Variants in PLEKHA3 observed in about 807,000 individuals in gnomAD.
PLEKHA3 encodes pleckstrin homology domain containing A3.
A neutral mutation model predicts 39.2 loss-of-function variants in PLEKHA3; 19 were observed. That is an observed-to-expected ratio of 0.48 (90% confidence interval 0.34 to 0.71). PLEKHA3 has a LOEUF of 0.71. PLEKHA3 is among the 30% of genes least tolerant of loss of function. The pLI is 0.01. For synonymous variants in PLEKHA3, 97 were observed against 118.6 expected, an observed-to-expected ratio of 0.82 and a Z score of 1.18; for missense variants, 253 against 359.5, an observed-to-expected ratio of 0.70 and a Z score of 2.40.
intron 2 of PLEKHA3, among the ~76,000 whole-genome samples, chr2:178,489,556 C>T (rs79515608): frequency 3.3e-4 from 49 of 147,818 alleles, no homozygotes; most frequent in African/African-American, 1.2e-3. Flanking sequence ...TGGGCTCCAG[C>T]GATCCTCTTG....
chr2:178,480,944 A>G, intron 1 of PLEKHA3, 35 bp downstream of exon 1: 3 of 1,154,236 alleles, frequency 2.6e-6, no homozygotes, highest in Non-Finnish European at 1.1e-6. Context: ...AAGAGGGGAG[A>G]GGCGGGGGGC....
chr2:178,494,011 C>G (rs1256192483), intron 4 of PLEKHA3, 22 bp downstream of exon 4: 29 of 1,610,000 alleles, frequency 1.8e-5, no homozygotes, highest in Non-Finnish European at 2.5e-5. Flanking sequence ...AGGATCTCTT[C>G]ACGTGTGGTT....
chr2:178,492,753 A>C (rs1685372363), intron 3 of PLEKHA3, among the ~76,000 whole-genome samples: 1 of 151,620 alleles, frequency 6.6e-6, no homozygotes, highest in South Asian at 2.1e-4. Flanking sequence ...GCCCAGGGGG[A>C]GGTGGAAACA....
At position 178,503,877 on chromosome 2, in the gene PLEKHA3, T is replaced by C; in HGVS notation, c.893T>C (p.Phe298Ser). Residue 298 changes from phenylalanine (F) to serine (S), a missense_variant, in exon 8 of 8, where the codon TTC (phenylalanine) becomes TCC (serine). Transcript: ENST00000234453. ...QSESEDTLPS[F>S]SS is the part of the protein sequence containing the mutation. ...GAATCAGAAGATACTCTTCCATCCTTCTCTTCCTGAAGAAACTGAAGTGTC... is the reference window on the plus strand; with the variant it reads ...GAATCAGAAGATACTCTTCCATCCTCCTCTTCCTGAAGAAACTGAAGTGTC... 1 of 1,611,406 alleles carries C rather than the reference T, an allele frequency of 6.2e-7. No individual in the cohort carries two copies. The highest frequency in any genetic ancestry group is 1.1e-5 in the South Asian group (1 of 91,000).
At chr2:178,496,342 A>G (rs1373006899) in intron 5 of PLEKHA3, among the ~76,000 whole-genome samples, 2 of 152,206 alleles carry the variant, frequency 1.3e-5, no homozygotes, top group African/African-American at 2.4e-5. Flanking sequence ...TGTAGGTGAG[A>G]TAAGCTTTAA....
intron 4 of PLEKHA3, 98 bp downstream of exon 4, chr2:178,494,087 GTTATTT>G: frequency 7.2e-7 from 1 of 1,385,066 alleles, no homozygotes; most frequent in South Asian, 1.5e-5. Context: ...TTCACATTGA[GTTATTT>G]TCAGCTTTTC....
In PLEKHA3 at chr2:178,512,302, TTAATG is replaced by T. The variant is rs1158460600; in HGVS notation, c.*8419_*8423del. ...AGTTACTGTAGATAAACCAAATAAA[TTAATG>T]TAAAGGGATATTAATGCATTAAGCA... is the stretch of plus-strand genomic sequence containing the variant. On this transcript the variant is annotated 3_prime_UTR_variant, in exon 8 of 8. Transcript: ENST00000234453. The T allele has an allele frequency of 6.6e-6, 1 of 152,168 alleles. No homozygotes were observed. The highest frequency in any genetic ancestry group is 2.4e-5 in the African/African-American group (1 of 41,426). The allele number at this position is 152,168 out of a possible 1,614,324, so 9.4% of individuals were successfully genotyped here.
rs1685640755 is a variant in PLEKHA3 at position 178,508,785 on chromosome 2, C to G, written c.*4898C>G. 6.5e-6 allele frequency: 1 copy of G among 153,736 alleles called. No homozygotes were observed. The highest frequency in any genetic ancestry group is 2.4e-5 in the African/African-American group (1 of 41,408). The allele number at this position is 153,736 out of a possible 1,614,324, so 9.5% of individuals were successfully genotyped here. On this transcript the variant is annotated 3_prime_UTR_variant, in exon 8 of 8. Coordinates refer to ENST00000234453, the MANE Select transcript of PLEKHA3 (RefSeq NM_019091.4). Reference sequence around the variant, plus strand: ...CTCTCTCATGCCCATCCGGCCCCACCCCCCAAATCCTCCTCTGGCTGCTGA... The same window carrying G: ...CTCTCTCATGCCCATCCGGCCCCACGCCCCAAATCCTCCTCTGGCTGCTGA...
intron 4 of PLEKHA3, among the ~76,000 whole-genome samples, chr2:178,494,245 G>A (rs1685404106): frequency 6.6e-6 from 1 of 152,196 alleles, no homozygotes; most frequent in Non-Finnish European, 1.5e-5. Flanking sequence ...TTTGGAGGTT[G>A]GAGTGGGGAA....
chr2:178,500,051 C>A (rs139540416), intron 6 of PLEKHA3, among the ~76,000 whole-genome samples: 1 of 152,064 alleles, frequency 6.6e-6, no homozygotes, highest in East Asian at 1.9e-4. Flanking sequence ...CATATCAATA[C>A]GTTTAAAAAT....
Position 178,514,350 on chromosome 2 carries a change from T to C in PLEKHA3, c.*10463T>C, listed in dbSNP as rs1375165921. 1 of 152,108 alleles carries C rather than the reference T, an allele frequency of 6.6e-6. No individual in the cohort carries two copies. The highest frequency in any genetic ancestry group is 1.5e-5 in the Non-Finnish European group (1 of 68,016). The allele number at this position is 152,108 out of a possible 1,614,324, so 9.4% of individuals were successfully genotyped here. On this transcript the variant is annotated 3_prime_UTR_variant, in exon 8 of 8. Coordinates refer to ENST00000234453, the MANE Select transcript of PLEKHA3 (RefSeq NM_019091.4). ...AGGGTGTGGGGAATGGTGGCAGGGGTAACTATCATCGAGAATATAGGGCAA... is the reference window on the plus strand; with the variant it reads ...AGGGTGTGGGGAATGGTGGCAGGGGCAACTATCATCGAGAATATAGGGCAA...
At chr2:178,498,034 C>T (rs1318131211) in intron 5 of PLEKHA3, among the ~76,000 whole-genome samples, 1 of 151,876 alleles carries the variant, frequency 6.6e-6, no homozygotes, top group African/African-American at 2.4e-5. Context: ...TATTCCAAAA[C>T]AATTTAATCT....
Position 178,508,856 on chromosome 2 carries a change from G to T in PLEKHA3, c.*4969G>T, listed in dbSNP as rs1026048578. 6.5e-6 allele frequency: 1 copy of T among 153,806 alleles called. No individual in the cohort carries two copies. Among genetic ancestry groups the T allele is most frequent in the Admixed American group, 6.5e-5 (1 of 15,286 alleles). 9.5% of individuals were successfully genotyped at this position (153,806 alleles called of 1,614,324 possible). The stretch of plus-strand genomic sequence containing the variant: ...TGTCAGTGGAGGTTGAGGGTGGGGC[G>T]TAGGCTGGCTGTGGAGAGTAGGGGA... On this transcript the variant is annotated 3_prime_UTR_variant, in exon 8 of 8. Coordinates refer to ENST00000234453, the MANE Select transcript of PLEKHA3 (RefSeq NM_019091.4).
intron 5 of PLEKHA3, among the ~76,000 whole-genome samples, chr2:178,497,282 G>A (rs1007528618): frequency 6.6e-6 from 1 of 151,934 alleles, no homozygotes; most frequent in Non-Finnish European, 1.5e-5. Context: ...CCAGGCTGGA[G>A]TGCAGTGGCG....
Position 178,495,607 on chromosome 2 carries a change from C to G in PLEKHA3, c.562C>G (p.Leu188Val). 6.2e-7 allele frequency: 1 copy of G among 1,614,154 alleles called. No individual in the cohort carries two copies. Among genetic ancestry groups the G allele is most frequent in the Non-Finnish European group, 8.5e-7 (1 of 1,179,998 alleles). ...NAKFKPEMFQ[L>V]HHPDPLVSPV... ...CAAGTTTAAACCTGAGATGTTTCAA[C>G]TGCACCATCCGGATCCCTTAGTTTC... The change falls in exon 5 of 8, where the codon CTG becomes GTG. Residue 188 changes from leucine to valine, a missense_variant. Physicochemically the swap from Leu to Val is conservative, Grantham distance 32 (BLOSUM62 1). Around this residue, in one of 2 missense-constraint regions of PLEKHA3, gnomAD observed 127 missense variants for 136.8 expected, o/e 0.93. Transcript: ENST00000234453.
At chr2:178,488,366 C>A (rs1685286850) in intron 2 of PLEKHA3, among the ~76,000 whole-genome samples, 2 of 152,198 alleles carry the variant, frequency 1.3e-5, no homozygotes, top group African/African-American at 4.8e-5. Context: ...TTTATTGGAT[C>A]CTTTTATGAC....
At position 178,504,019 on chromosome 2, in the gene PLEKHA3, G is replaced by A; in HGVS notation, c.*132G>A. ...AGAATGTTGTAAAACAGACAAACAA[G>A]AAAACAAACCACATACTTTTGAAGT... On this transcript the variant is annotated 3_prime_UTR_variant, in exon 8 of 8. Transcript: ENST00000234453. 1.1e-6 allele frequency: 1 copy of A among 926,382 alleles called. No homozygotes were observed. Among genetic ancestry groups the A allele is most frequent in the South Asian group, 2.0e-5 (1 of 49,056 alleles). The allele number at this position is 926,382 out of a possible 1,614,324, so 57.4% of individuals were successfully genotyped here.
chr2:178,480,580 G>A lies in PLEKHA3; in HGVS notation c.-290G>A, dbSNP rs1685139368. 3 of 256,450 alleles carry A rather than the reference G, an allele frequency of 1.2e-5. No homozygotes were observed. The highest frequency in any genetic ancestry group is 1.1e-4 in the Admixed American group (2 of 18,118). The allele number at this position is 256,450 out of a possible 1,614,324, so 15.9% of individuals were successfully genotyped here. On this transcript the variant is annotated 5_prime_UTR_variant, in exon 1 of 8. Coordinates refer to ENST00000234453, the MANE Select transcript of PLEKHA3 (RefSeq NM_019091.4). ...GGGAGCAGCCGGGCTGCGGAAGCGC[G>A]AGCAGGAGGCCGGTCGCGGGCGCAT...
chr2:178,498,445 A>G (rs758763518), intron 5 of PLEKHA3, among the ~76,000 whole-genome samples: 5 of 152,204 alleles, frequency 3.3e-5, no homozygotes, highest in Non-Finnish European at 4.4e-5. Flanking sequence ...GGGCTCATGT[A>G]TACAAAAGCA....
Sources: allele counts gnomAD v4.1 joint callset (sites outside exome capture counted in the v4.1 genomes callset), GRCh38; gene constraint gnomAD v4.1.1; regional missense constraint gnomAD v4.1.1; transcripts MANE v1.5; gene names NCBI Gene and HGNC (gene_info 2026-07-23, HGNC 2026-07-21).